ACSM5: variants seen among roughly 807,000 people sequenced by gnomAD.
ACSM5 encodes acyl-coenzyme A synthetase ACSM5, mitochondrial.
Under a neutral mutation model 71.6 loss-of-function variants are expected in ACSM5, and 56 were observed. That is an observed-to-expected ratio of 0.78 (90% confidence interval 0.63 to 0.98). The LOEUF (loss-of-function observed/expected upper bound fraction) is 0.98, where lower values mean the gene tolerates loss of function less well. Ranked by LOEUF, ACSM5 falls within the 50% of genes least tolerant of loss-of-function variation. The pLI is 0.00. For synonymous variants in ACSM5, 285 were observed against 281.5 expected, an observed-to-expected ratio of 1.01 and a Z score of -0.12; for missense variants, 723 against 726.0, an observed-to-expected ratio of 1.00 and a Z score of 0.05.
intron 12 of ACSM5, among the ~76,000 whole-genome samples, chr16:20,437,988 G>A (rs777541946): frequency 1.3e-5 from 2 of 152,038 alleles, no homozygotes; most frequent in Non-Finnish European, 2.9e-5. Flanking sequence ...ACCACACCTG[G>A]CTAATTTTTG....
rs766554202 is a variant in ACSM5, at chr16:20,429,830, C to T, written c.1125+29C>T. ...AGTGCTGGAGGGGCCAGGTCCCTAC[C>T]CCCCAGGTCCCCTCGAGAGCTTCCT... On this transcript the variant is annotated intron_variant, in intron 8 of 13. Coordinates refer to ENST00000331849, the MANE Select transcript of ACSM5 (RefSeq NM_017888.3). The T allele has an allele frequency of 5.4e-5, 86 of 1,607,138 alleles. 1 individual carries two copies. The highest frequency in any genetic ancestry group is 1.8e-4 in the Admixed American group (11 of 59,502).
At chr16:20,436,402 G>A (rs922205558) in intron 10 of ACSM5, among the ~76,000 whole-genome samples, 32 of 151,832 alleles carry the variant, frequency 2.1e-4, no homozygotes, top group African/African-American at 7.0e-4. Flanking sequence ...TCACAGCCTC[G>A]CCCTATAGCC....
intron 9 of ACSM5, 47 bp from the exon 10 acceptor site, chr16:20,431,173 G>A: frequency 1.3e-6 from 2 of 1,598,088 alleles, no homozygotes; most frequent in Non-Finnish European, 1.7e-6. Context: ...GAGAGGCCCA[G>A]GGTGTAGACA....
intron 12 of ACSM5, 106 bp downstream of exon 12, chr16:20,437,473 T>C: frequency 2.1e-6 from 2 of 942,038 alleles, no homozygotes; most frequent in Non-Finnish European, 1.6e-6. Context: ...TCCATCCTTG[T>C]GCCACAAAGT....
At chr16:20,425,211 A>G (rs1396736622) in intron 6 of ACSM5, among the ~76,000 whole-genome samples, 1 of 152,038 alleles carries the variant, frequency 6.6e-6, no homozygotes, top group Non-Finnish European at 1.5e-5. Flanking sequence ...AATTGTTTTG[A>G]CTTTTAAATC....
At chr16:20,434,196 G>T (rs1373704244) in intron 10 of ACSM5, among the ~76,000 whole-genome samples, 2 of 151,976 alleles carry the variant, frequency 1.3e-5, no homozygotes, top group African/African-American at 4.8e-5. Flanking sequence ...TTCAACTTTA[G>T]GGTAGAAAAT....
intron 7 of ACSM5, 120 bp from the exon 8 acceptor site, chr16:20,429,558 T>C (rs1967052655): frequency 7.3e-7 from 1 of 1,373,998 alleles, no homozygotes. Context: ...TAGAGAAGAT[T>C]AAAAAGCAGG....
At chr16:20,421,615 CTA>C (rs59443556) in intron 5 of ACSM5, among the ~76,000 whole-genome samples, 3,009 of 105,480 alleles carry the variant, frequency 0.029, 28 homozygotes, top group Admixed American at 0.033. Flanking sequence ...TAAATCGTGG[CTA>C]TATATATATA....
intron 2 of ACSM5, among the ~76,000 whole-genome samples, chr16:20,413,410 A>AT (rs1323427678): frequency 6.6e-6 from 1 of 152,200 alleles, no homozygotes; most frequent in Non-Finnish European, 1.5e-5. Context: ...TGAGCTGCCC[A>AT]TTGGTTCTTT....
In ACSM5 at chr16:20,411,552, A is replaced by T. The variant is rs144606521; in HGVS notation, c.68A>T (p.His23Leu). 1 of 1,612,086 alleles carries T rather than the reference A, an allele frequency of 6.2e-7. No homozygotes were observed. Among genetic ancestry groups the T allele is most frequent in the Non-Finnish European group, 8.5e-7 (1 of 1,178,156 alleles). The part of the protein sequence containing the change: ...LRNSRAFCGS[H>L]GKPAPLPVPQ... ...AACTCCAGGGCATTCTGTGGGTCTC[A>T]TGGGAAGCCAGCACCTCTACCTGTT... The change falls in exon 2 of 14, where the codon CAT (histidine) becomes CTT (leucine). Residue 23 changes from histidine to leucine, a missense_variant. Physicochemically the swap from His to Leu is moderately conservative, Grantham distance 99 (BLOSUM62 -3). Transcript: ENST00000331849.
At chr16:20,415,794 G>A (rs750613030) in intron 2 of ACSM5, among the ~76,000 whole-genome samples, 55 of 152,238 alleles carry the variant, frequency 3.6e-4, no homozygotes, top group Non-Finnish European at 7.5e-4. Flanking sequence ...TTCTCAGTTG[G>A]ATTCAGAGTT....
Position 20,427,805 on chromosome 16 carries a change from G to A in ACSM5, c.939G>A (p.Pro313=), listed in dbSNP as rs12922063. The change falls in exon 7 of 14, where the codon CCG becomes CCA. Residue 313 remains proline (P), a synonymous_variant. Transcript: ENST00000331849. The part of the protein sequence containing the change: ...KVILNTLSKF[P]ITTLCCVPTI... ...TTGTTTAGACTCTCTCCAAATTCCC[G>A]ATAACCACCCTCTGCTGTGTCCCAA... 65 of 1,613,590 alleles carry A rather than the reference G, an allele frequency of 4.0e-5. No individual in the cohort carries two copies. The highest frequency in any genetic ancestry group is 2.0e-4 in the African/African-American group (15 of 74,856).
At chr16:20,422,505 C>T (rs976888654) in intron 5 of ACSM5, among the ~76,000 whole-genome samples, 1 of 152,216 alleles carries the variant, frequency 6.6e-6, no homozygotes, top group African/African-American at 2.4e-5. Flanking sequence ...TAAACACTGG[C>T]ATGTGAGTAT....
At chr16:20,410,678 A>G (rs1966845923) in intron 1 of ACSM5, among the ~76,000 whole-genome samples, 1 of 152,196 alleles carries the variant, frequency 6.6e-6, no homozygotes, top group African/African-American at 2.4e-5. Flanking sequence ...GTGAGCTATG[A>G]TGGCACCACC....
chr16:20,424,127 A>G, intron 6 of ACSM5, 58 bp downstream of exon 6: 1 of 1,588,478 alleles, frequency 6.3e-7, no homozygotes, highest in Non-Finnish European at 8.6e-7. Flanking sequence ...GATGAGTGGG[A>G]TATAGATTTC....
At chr16:20,421,438 A>C in intron 5 of ACSM5, 37 bp downstream of exon 5, 1 of 1,527,720 alleles carries the variant, frequency 6.5e-7, no homozygotes, top group Non-Finnish European at 8.9e-7. Context: ...CCAAGAACAG[A>C]AAGTGGGGAG....
chr16:20,426,149 G>A (rs1167149915), intron 6 of ACSM5, among the ~76,000 whole-genome samples: 2 of 152,112 alleles, frequency 1.3e-5, no homozygotes, highest in Non-Finnish European at 2.9e-5. Context: ...GGTATCACAT[G>A]GTGGACCAAA....
In ACSM5 at chr16:20,431,020, A is replaced by G; in HGVS notation, c.1153A>G (p.Met385Val). 6.2e-7 allele frequency: 1 copy of G among 1,613,952 alleles called. No homozygotes were observed. The change falls in exon 9 of 14, where the codon ATG (methionine) becomes GTG (valine). Residue 385 changes from methionine (M) to valine (V), a missense_variant. Coordinates refer to ENST00000331849, the MANE Select transcript of ACSM5 (RefSeq NM_017888.3). ...TGTCATCTGTGCCAATCCAAAAGGC[A>G]TGAAAATCAAGTCTGGATCCATGGG... ...TVVICANPKG[M>V]KIKSGSMGKA... is the part of the protein sequence containing the mutation.
At chr16:20,427,193 C>T (rs1464502312) in intron 6 of ACSM5, among the ~76,000 whole-genome samples, 2 of 151,978 alleles carry the variant, frequency 1.3e-5, no homozygotes, top group Admixed American at 6.5e-5. Context: ...CCCAGCTACT[C>T]AGGGGTCTGA....
Sources: gnomAD v4.1 joint callset for allele counts (sites outside exome capture counted in the v4.1 genomes callset) on GRCh38, gnomAD v4.1.1 for gene constraint, MANE v1.5 for transcripts, NCBI Gene and HGNC (gene_info 2026-07-23, HGNC 2026-07-21) for gene names.